STAU2: variants seen among roughly 807,000 people sequenced by gnomAD.
The protein encoded by STAU2 is double-stranded RNA-binding protein Staufen homolog 2.
In STAU2, 20 loss-of-function variants were observed where a neutral mutation model predicts 65.9. The ratio of observed to expected loss-of-function variants is 0.30; its 90% CI spans 0.21 to 0.44. STAU2 has a LOEUF of 0.44. Ranked by LOEUF, STAU2 falls within the 20% of genes least tolerant of loss-of-function variation. The probability of loss-of-function intolerance (pLI) is 1.00; values close to 1 mark genes in which losing one functional copy is unlikely to be tolerated. For synonymous variants in STAU2, 232 were observed against 233.9 expected (o/e 0.99, Z 0.07); for missense variants, 558 against 683.9 (o/e 0.82, Z 2.05).
intron 13 of STAU2, among the ~76,000 whole-genome samples, chr8:73,487,853 C>A (rs137950453): frequency 2.0e-5 from 3 of 151,960 alleles, no homozygotes; most frequent in Non-Finnish European, 4.4e-5. Flanking sequence ...TTATTAGGTA[C>A]AAACTATAAT....
Position 73,608,300 on chromosome 8 carries a change from C to A in STAU2, c.892-4437G>T, listed in dbSNP as rs887312624. Among the ~76,000 whole-genome samples, 4 of 151,956 alleles carry A rather than the reference C, an allele frequency of 2.6e-5. No individual in the cohort carries two copies. In the East Asian group the frequency reaches 7.7e-4, roughly 29 times the overall value. ...GGCAGAAGGGATGGAAAAAAAGGAA[C>A]CAACTTAAAAAACATTAGGTGACAA... On this transcript the variant is annotated intron_variant, in intron 9 of 14. Coordinates refer to ENST00000524300, the MANE Select transcript of STAU2 (RefSeq NM_001164380.2).
At chr8:73,667,256 CCAAA>C (rs1278522939) in intron 6 of STAU2, among the ~76,000 whole-genome samples, 2 of 152,002 alleles carry the variant, frequency 1.3e-5, no homozygotes, top group Admixed American at 6.5e-5. Context: ...AGGAATATTG[CCAAA>C]GCAATATTCC....
At chr8:73,726,737 C>A (rs1019495783) in intron 3 of STAU2, among the ~76,000 whole-genome samples, 2 of 152,150 alleles carry the variant, frequency 1.3e-5, no homozygotes, top group African/African-American at 4.8e-5. Flanking sequence ...GTTTTCCCCT[C>A]GTGTCTTGAA....
chr8:73,561,718 G>A (rs1444734221), intron 12 of STAU2, among the ~76,000 whole-genome samples: 1 of 152,036 alleles, frequency 6.6e-6, no homozygotes, highest in Non-Finnish European at 1.5e-5. Context: ...CCTGCAAACG[G>A]CTCACAATAC....
chr8:73,444,335 G>A (rs542122220), intron 13 of STAU2, among the ~76,000 whole-genome samples: 1 of 151,522 alleles, frequency 6.6e-6, no homozygotes, highest in African/African-American at 2.4e-5. Context: ...GAATCCAGGA[G>A]GTGGAGGTTG....
intron 3 of STAU2, among the ~76,000 whole-genome samples, chr8:73,722,240 C>A (rs943831072): frequency 5.9e-5 from 9 of 152,262 alleles, no homozygotes; most frequent in African/African-American, 2.2e-4. Context: ...AAGTTATAAA[C>A]CCCACAACAG....
chr8:73,475,209 A>G (rs1287018716), intron 13 of STAU2, among the ~76,000 whole-genome samples: 1 of 152,164 alleles, frequency 6.6e-6, no homozygotes, highest in Non-Finnish European at 1.5e-5. Flanking sequence ...TGTTCAGTTT[A>G]TGAAAATACA....
At chr8:73,616,938 CAA>C (rs1812869924) in intron 7 of STAU2, among the ~76,000 whole-genome samples, 1 of 152,124 alleles carries the variant, frequency 6.6e-6, no homozygotes, top group Admixed American at 6.5e-5. Flanking sequence ...ATTTGTAAAA[CAA>C]AAGAGGACTG....
intron 3 of STAU2, among the ~76,000 whole-genome samples, chr8:73,725,551 C>T (rs991162595): frequency 2.6e-5 from 4 of 152,208 alleles, no homozygotes; most frequent in African/African-American, 9.7e-5. Context: ...AATCCCAACA[C>T]TTTGGGAGGC....
intron 13 of STAU2, among the ~76,000 whole-genome samples, chr8:73,454,626 C>T (rs1818966851): frequency 6.6e-6 from 1 of 152,230 alleles, no homozygotes; most frequent in Admixed American, 6.5e-5. Flanking sequence ...TATCCATCCA[C>T]TCTCTTCTTC....
At chr8:73,511,588 G>A (rs1379576640) in intron 13 of STAU2, 1 of 152,780 alleles carries the variant, frequency 6.5e-6, no homozygotes, top group Non-Finnish European at 1.5e-5. Context: ...ACCAGATGTG[G>A]GACAGGGACA....
chr8:73,661,426 CA>C (rs1353780644), intron 6 of STAU2, among the ~76,000 whole-genome samples: 2 of 152,086 alleles, frequency 1.3e-5, no homozygotes, highest in Non-Finnish European at 2.9e-5. Flanking sequence ...TGGAGGATTA[CA>C]AAATGTTATT....
intron 8 of STAU2, among the ~76,000 whole-genome samples, chr8:73,614,354 T>C (rs1250146894): frequency 1.3e-5 from 2 of 152,126 alleles, no homozygotes; most frequent in Non-Finnish European, 2.9e-5. Context: ...TATGTACGAG[T>C]AAGTTGCTGG....
intron 3 of STAU2, among the ~76,000 whole-genome samples, chr8:73,716,081 A>AC (rs1821228676): frequency 1.5e-5 from 2 of 134,606 alleles, no homozygotes; most frequent in African/African-American, 5.8e-5. Flanking sequence ...TGCCCAGCTA[A>AC]TTTTTTTTTC....
Position 73,603,862 on chromosome 8 carries a change from G to C in STAU2, c.893C>G (p.Ala298Gly). The C allele has an allele frequency of 6.3e-7, 1 of 1,577,934 alleles. No individual in the cohort carries two copies. Among genetic ancestry groups the C allele is most frequent in the Non-Finnish European group, 8.6e-7 (1 of 1,169,200 alleles). Residue 298 changes from alanine to glycine, a missense_variant and splice_region_variant, in exon 10 of 15, where the codon GCC becomes GGC. Coordinates refer to ENST00000524300, the MANE Select transcript of STAU2 (RefSeq NM_001164380.2). ...FKKRPKTIVK[A>G]GPEYGQGMNP... is the part of the protein sequence containing the mutation. ...CATCCCTTGGCCATATTCTGGTCCG[G>C]CCTAAAAATTAATTTAAGAAAAAGT...
At chr8:73,526,728 T>C (rs1378334655) in intron 13 of STAU2, among the ~76,000 whole-genome samples, 1 of 152,212 alleles carries the variant, frequency 6.6e-6, no homozygotes, top group Non-Finnish European at 1.5e-5. Context: ...TAGTTTAGTC[T>C]AAAGTGATTA....
At chr8:73,523,475 A>G (rs1194681556) in intron 13 of STAU2, among the ~76,000 whole-genome samples, 1 of 152,122 alleles carries the variant, frequency 6.6e-6, no homozygotes, top group East Asian at 1.9e-4. Context: ...CCCTTTTTAG[A>G]GTGTAGTTCA....
chr8:73,634,289 G>A (rs574978706), intron 6 of STAU2, among the ~76,000 whole-genome samples: 9 of 151,884 alleles, frequency 5.9e-5, no homozygotes, highest in Admixed American at 2.6e-4. Context: ...CAAAACCTGC[G>A]TTGGCCGGGG....
intron 5 of STAU2, among the ~76,000 whole-genome samples, chr8:73,683,148 A>G (rs945414592): frequency 2.0e-5 from 3 of 152,114 alleles, no homozygotes; most frequent in African/African-American, 7.2e-5. Context: ...AAAACAGGGA[A>G]GTACATAACA....
Sources: gnomAD v4.1 joint callset for allele counts (sites outside exome capture counted in the v4.1 genomes callset) on GRCh38, gnomAD v4.1.1 for gene constraint, MANE v1.5 for transcripts, NCBI Gene and HGNC (gene_info 2026-07-23, HGNC 2026-07-21) for gene names.